The following MSLN variants were observed in gnomAD, a reference collection of about 807,000 sequenced individuals.
MSLN encodes mesothelin.
A neutral mutation model predicts 72.6 loss-of-function variants in MSLN; 82 were observed. The observed-to-expected ratio is 1.13, with a 90% confidence interval of 0.94 to 1.36. MSLN has a LOEUF of 1.36. Among genes scored for constraint, MSLN ranks in the 40% most tolerant of loss-of-function variants. The probability of loss-of-function intolerance (pLI) is 0.00; values close to 1 mark genes in which losing one functional copy is unlikely to be tolerated. For missense variants in MSLN, 1,005 were observed against 847.9 expected (o/e 1.19, Z -2.30); for synonymous variants, 456 against 387.3 (o/e 1.18, Z -2.08).
At chr16:767,047 A>T in intron 15 of MSLN, 35 bp downstream of exon 15, 1 of 1,611,354 alleles carries the variant, frequency 6.2e-7, no homozygotes, top group Non-Finnish European at 8.5e-7. Context: ...GGTGGGCAAC[A>T]CAACGGGGGA....
intron 16 of MSLN, 48 bp from the exon 17 acceptor site, chr16:768,331 G>A (rs369276433): frequency 1.0e-4 from 153 of 1,482,554 alleles, no homozygotes; most frequent in East Asian, 1.9e-4. Flanking sequence ...CTCTGGCGGC[G>A]CTGAGGGAAG....
In MSLN at chr16:765,863, C is replaced by A. The variant is rs1567357952; in HGVS notation, c.895+73C>A. The A allele has an allele frequency of 6.2e-6, 9 of 1,441,036 alleles. No homozygotes were observed. In the South Asian group the frequency reaches 1.1e-4, roughly 17 times the overall value. 89.3% of individuals were successfully genotyped at this position (1,441,036 alleles called of 1,614,324 possible). Reference sequence around the variant, plus strand: ...CTGGGGGTGGGCATCACTTTAGGGTCTCACCTGCCCCTCCCTGGCTCTGCA... The same window carrying A: ...CTGGGGGTGGGCATCACTTTAGGGTATCACCTGCCCCTCCCTGGCTCTGCA... On this transcript the variant is annotated intron_variant, in intron 11 of 17. Coordinates refer to ENST00000545450, the MANE Select transcript of MSLN (RefSeq NM_005823.6).
chr16:765,286 C>A lies in MSLN; in HGVS notation c.687C>A (p.Gly229=). 6.3e-7 allele frequency: 1 copy of A among 1,579,100 alleles called. No individual in the cohort carries two copies. Among genetic ancestry groups the A allele is most frequent in the Non-Finnish European group, 8.6e-7 (1 of 1,169,176 alleles). The change falls in exon 9 of 18, where the codon GGC becomes GGA. Residue 229 remains glycine (G), a synonymous_variant. Coordinates refer to ENST00000545450, the MANE Select transcript of MSLN (RefSeq NM_005823.6). ...QQEAARAALQ[G]GGPPYGPPST... is the part of the protein sequence containing the mutation. ...AGGCAGCCAGGGCGGCTCTGCAGGG[C>A]GGGGGACCCCCCTACGGGTAAGTGA...
At chr16:768,129 G>T (rs1412086288) in intron 16 of MSLN, among the ~76,000 whole-genome samples, 2 of 146,048 alleles carry the variant, frequency 1.4e-5, no homozygotes, top group Non-Finnish European at 3.0e-5. Flanking sequence ...GCCAACGGGG[G>T]GTGGGAGGGC....
At chr16:765,057 G>C (rs377171502) in intron 8 of MSLN, 21 bp downstream of exon 8, 1 of 1,609,138 alleles carries the variant, frequency 6.2e-7, no homozygotes, top group Non-Finnish European at 8.5e-7. Flanking sequence ...GGGCCAGCGC[G>C]GGGCGGAGAG....
intron 2 of MSLN, among the ~76,000 whole-genome samples, chr16:762,358 C>T (rs1298624644): frequency 6.6e-6 from 1 of 152,202 alleles, no homozygotes; most frequent in Non-Finnish European, 1.5e-5. Context: ...GGCGGCGGCC[C>T]CGGTTGCTTG....
Position 768,794 on chromosome 16 carries a change from C to A in MSLN, c.*61C>A. 1 of 1,528,586 alleles carries A rather than the reference C, an allele frequency of 6.5e-7. No individual in the cohort carries two copies. Among genetic ancestry groups the A allele is most frequent in the African/African-American group, 1.4e-5 (1 of 73,344 alleles). The allele number at this position is 1,528,586 out of a possible 1,614,324, so 94.7% of individuals were successfully genotyped here. On this transcript the variant is annotated 3_prime_UTR_variant, in exon 18 of 18. Coordinates refer to ENST00000545450, the MANE Select transcript of MSLN (RefSeq NM_005823.6). ...GGATCCCCGCCTGGCCAGGAGCAGG[C>A]ACGGGTGGTCCCCGTTCCACCCCAA...
chr16:768,391 G>C lies in MSLN; in HGVS notation c.1609G>C (p.Ala537Pro), dbSNP rs780421812. ...RTDAVLPLTV[A>P]EVQKLLGPHV... The stretch of plus-strand genomic sequence containing the variant: ...GGGTCTCTGGCAGCCGTTGACTGTG[G>C]CTGAGGTGCAGAAACTTCTGGGACC... The change falls in exon 17 of 18, where the codon GCT (alanine) becomes CCT (proline). Residue 537 changes from alanine (A) to proline (P), a missense_variant. By Grantham distance (27) the Ala-to-Pro change is conservative. Coordinates refer to ENST00000545450, the MANE Select transcript of MSLN (RefSeq NM_005823.6). 2.0e-6 allele frequency: 3 copies of C among 1,508,868 alleles called. No homozygotes were observed. The highest frequency in any genetic ancestry group is 2.7e-6 in the Non-Finnish European group (3 of 1,127,744). 93.5% of individuals were successfully genotyped at this position (1,508,868 alleles called of 1,614,324 possible). A position where few individuals can be genotyped will look rare whatever the true frequency, so the allele number is the denominator to read the frequency against.
At chr16:762,428 C>T in intron 2 of MSLN, 2 of 535,314 alleles carry the variant, frequency 3.7e-6, no homozygotes, top group South Asian at 2.2e-5. Flanking sequence ...CCAACTGACT[C>T]CTGGGCTGTC....
chr16:766,269 C>G (rs778056017), intron 12 of MSLN, 32 bp downstream of exon 12: 1 of 1,609,028 alleles, frequency 6.2e-7, no homozygotes. Flanking sequence ...CACCGGCCTG[C>G]TGTGTCCAAG....
intron 11 of MSLN, 53 bp from the exon 12 acceptor site, chr16:766,006 A>G: frequency 6.5e-7 from 1 of 1,527,472 alleles, no homozygotes; most frequent in Non-Finnish European, 8.8e-7. Context: ...GTGTGGGAGG[A>G]AGAAGGGGTC....
chr16:763,107 C>A, intron 3 of MSLN, 126 bp from the exon 4 acceptor site: 1 of 651,732 alleles, frequency 1.5e-6, no homozygotes. Flanking sequence ...GAGCCACTGG[C>A]TTCTCTTTGG....
intron 7 of MSLN, 68 bp from the exon 8 acceptor site, chr16:764,839 C>T (rs1003968589): frequency 1.6e-5 from 25 of 1,591,584 alleles, no homozygotes; most frequent in South Asian, 4.5e-5. Context: ...GGAGGCCGGC[C>T]GGGCTGCCTC....
intron 15 of MSLN, 32 bp from the exon 16 acceptor site, chr16:767,344 G>A (rs1303009690): frequency 1.3e-6 from 2 of 1,585,920 alleles, no homozygotes; most frequent in Non-Finnish European, 1.7e-6. Context: ...GTGAGGTGAG[G>A]CCTCAGCTCG....
At chr16:768,336 G>T (rs2041668581) in intron 16 of MSLN, 43 bp from the exon 17 acceptor site, 1 of 1,492,936 alleles carries the variant, frequency 6.7e-7, no homozygotes, top group African/African-American at 1.4e-5. Flanking sequence ...GCGGCGCTGA[G>T]GGAAGGAGAC....
Position 766,485 on chromosome 16 carries a change from C to T in MSLN, c.1225C>T (p.Pro409Ser), listed in dbSNP as rs143444362. The T allele has an allele frequency of 3.1e-6, 5 of 1,612,480 alleles. No homozygotes were observed. The African/African-American group carries it at 5.3e-5, about 17-fold the overall frequency. ...AGTCAACAAAGGGCACGAAATGAGT[C>T]CTCAGGTGACCGTCCGGCTCGGGGG... ...LEVNKGHEMSPQVATLIDRFV... is the reference protein window; with the variant it reads ...LEVNKGHEMSSQVATLIDRFV... Residue 409 changes from proline to serine, a missense_variant, in exon 13 of 18, where the codon CCT becomes TCT. By Grantham distance (74) the Pro-to-Ser change is moderately conservative. Coordinates refer to ENST00000545450, the MANE Select transcript of MSLN (RefSeq NM_005823.6).
chr16:763,578 G>T, intron 4 of MSLN, 64 bp from the exon 5 acceptor site: 2 of 1,486,718 alleles, frequency 1.3e-6, no homozygotes, highest in Non-Finnish European at 1.8e-6. Flanking sequence ...GGGGTAGCGG[G>T]ACCTGGGAAC....
At chr16:768,334 G>A (rs764113296) in intron 16 of MSLN, 45 bp from the exon 17 acceptor site, 8 of 1,491,032 alleles carry the variant, frequency 5.4e-6, no homozygotes, top group East Asian at 2.3e-5. Context: ...TGGCGGCGCT[G>A]AGGGAAGGAG....
In MSLN at chr16:766,408, A is replaced by T; in HGVS notation, c.1148A>T (p.Asp383Val). The change falls in exon 13 of 18, where the codon GAC (aspartate) becomes GTC (valine). Residue 383 changes from aspartate to valine, a missense_variant. Transcript: ENST00000545450. ...GYLFLKMSPE[D>V]IRKWNVTSLE... ...CTCTTCCTCAAGATGAGCCCTGAGG[A>T]CATTCGCAAGTGGAATGTGACGTCC... 6.2e-7 allele frequency: 1 copy of T among 1,612,646 alleles called. No individual in the cohort carries two copies. The highest frequency in any genetic ancestry group is 8.5e-7 in the Non-Finnish European group (1 of 1,179,896).
Sources: allele counts gnomAD v4.1 joint callset (sites outside exome capture counted in the v4.1 genomes callset), GRCh38; gene constraint gnomAD v4.1.1; transcripts MANE v1.5; gene names NCBI Gene and HGNC (gene_info 2026-07-23, HGNC 2026-07-21).